CACNA2D3: variants seen among roughly 807,000 people sequenced by gnomAD.
The protein encoded by CACNA2D3 is voltage-dependent calcium channel subunit alpha-2/delta-3.
Under a neutral mutation model 160.6 loss-of-function variants are expected in CACNA2D3, and 60 were observed. The observed-to-expected ratio is 0.37, with a 90% CI of 0.30 to 0.46. The LOEUF (loss-of-function observed/expected upper bound fraction) is 0.46, where lower values mean the gene tolerates loss of function less well. CACNA2D3 is among the 20% of genes least tolerant of loss of function. CACNA2D3 has a pLI of 1.00. For missense variants in CACNA2D3, 1,205 were observed against 1,365.0 expected, an observed-to-expected ratio of 0.88 and a Z score of 1.85; for synonymous variants, 558 against 492.9, an observed-to-expected ratio of 1.13 and a Z score of -1.75.
chr3:54,847,100 A>G (rs948781439), intron 17 of CACNA2D3, among the ~76,000 whole-genome samples: 1 of 152,222 alleles, frequency 6.6e-6, no homozygotes, highest in Non-Finnish European at 1.5e-5. Flanking sequence ...GAGTAGGGTT[A>G]GGCCAAATCC....
chr3:54,249,764 GTT>G (rs11301633), intron 2 of CACNA2D3, among the ~76,000 whole-genome samples: 58,834 of 141,274 alleles, frequency 0.42, 11,617 homozygotes, highest in Middle Eastern at 0.43. Context: ...CCAAAATTAT[GTT>G]TTTTTTTTTT....
chr3:54,873,373 CTT>C, intron 18 of CACNA2D3, among the ~76,000 whole-genome samples: 1 of 150,880 alleles, frequency 6.6e-6, no homozygotes, highest in African/African-American at 2.5e-5. Flanking sequence ...TCCTTCTTCA[CTT>C]TATCTGTTGA....
intron 2 of CACNA2D3, among the ~76,000 whole-genome samples, chr3:54,228,866 G>T (rs186983030): frequency 2.6e-4 from 39 of 152,290 alleles, no homozygotes; most frequent in African/African-American, 8.7e-4. Context: ...GTGCCCTGCC[G>T]CTCTTCTCTG....
intron 4 of CACNA2D3, among the ~76,000 whole-genome samples, chr3:54,462,212 T>G (rs1202788512): frequency 6.6e-6 from 1 of 152,236 alleles, no homozygotes; most frequent in Non-Finnish European, 1.5e-5. Flanking sequence ...TGGTCCATTT[T>G]GGAATAGGTG....
At chr3:54,661,121 G>T (rs182140899) in intron 11 of CACNA2D3, among the ~76,000 whole-genome samples, 1 of 152,286 alleles carries the variant, frequency 6.6e-6, no homozygotes, top group South Asian at 2.1e-4. Flanking sequence ...AAATGGCCAG[G>T]AAGGCTTCTG....
chr3:54,304,913 C>CTT (rs112754601), intron 2 of CACNA2D3, among the ~76,000 whole-genome samples: 1 of 147,286 alleles, frequency 6.8e-6, no homozygotes, highest in African/African-American at 2.5e-5. Flanking sequence ...ATCTTTTGCT[C>CTT]TTTTTTTTTT....
intron 4 of CACNA2D3, among the ~76,000 whole-genome samples, chr3:54,487,084 C>A (rs895552263): frequency 7.9e-5 from 12 of 152,120 alleles, no homozygotes; most frequent in Non-Finnish European, 1.6e-4. Flanking sequence ...ATTCACATAA[C>A]CTTATACCCA....
At chr3:54,969,720 A>G (rs746497929) in intron 28 of CACNA2D3, 80 bp from the exon 29 acceptor site, 36 of 1,165,218 alleles carry the variant, frequency 3.1e-5, no homozygotes, top group Non-Finnish European at 4.2e-5. Flanking sequence ...GTCCTTAAGT[A>G]GCTCAGTGGC....
rs1693431236 is a variant in CACNA2D3, at chr3:54,658,662, C to T, written c.1167+16421C>T. Among the ~76,000 whole-genome samples the T allele has an allele frequency of 2.0e-5, 3 of 152,116 alleles. No homozygotes were observed. The South Asian group carries it at 6.2e-4, about 32-fold the overall frequency. On this transcript the variant is annotated intron_variant, in intron 11 of 37. Transcript: ENST00000474759. ...CAAAAAATAGATAAATGGGACTACA[C>T]CAAACTAAGAAGCTTCTGCACAGCA...
intron 5 of CACNA2D3, among the ~76,000 whole-genome samples, chr3:54,508,291 G>C (rs1301238368): frequency 6.6e-6 from 1 of 152,206 alleles, no homozygotes; most frequent in Admixed American, 6.5e-5. Flanking sequence ...GCCAGGAAGA[G>C]AGCCACTGAA....
At chr3:54,193,274 T>C (rs561219348) in intron 2 of CACNA2D3, among the ~76,000 whole-genome samples, 1 of 152,154 alleles carries the variant, frequency 6.6e-6, no homozygotes, top group Non-Finnish European at 1.5e-5. Flanking sequence ...TTGAGGCTGC[T>C]CCAGGTGACC....
At chr3:54,169,275 G>A (rs1013423294) in intron 2 of CACNA2D3, among the ~76,000 whole-genome samples, 2 of 152,210 alleles carry the variant, frequency 1.3e-5, no homozygotes, top group Non-Finnish European at 2.9e-5. Flanking sequence ...TGTGTGATTA[G>A]GGTCCATGCC....
At chr3:54,755,155 T>C (rs1389458615) in intron 12 of CACNA2D3, among the ~76,000 whole-genome samples, 1 of 152,222 alleles carries the variant, frequency 6.6e-6, no homozygotes, top group African/African-American at 2.4e-5. Context: ...TCTTTTCCGT[T>C]TGAGGCTGAC....
chr3:54,285,392 G>T (rs1702988859), intron 2 of CACNA2D3, among the ~76,000 whole-genome samples: 1 of 152,324 alleles, frequency 6.6e-6, no homozygotes, highest in Non-Finnish European at 1.5e-5. Context: ...AGGGTCGCCT[G>T]CCATTCCCCA....
intron 3 of CACNA2D3, among the ~76,000 whole-genome samples, chr3:54,368,639 G>T (rs1296327039): frequency 7.0e-6 from 1 of 142,410 alleles, no homozygotes; most frequent in African/African-American, 2.5e-5. Flanking sequence ...AGTGTAATCA[G>T]TTTAATAATC....
intron 27 of CACNA2D3, among the ~76,000 whole-genome samples, chr3:54,932,075 G>A (rs1049889568): frequency 1.3e-5 from 2 of 152,014 alleles, no homozygotes; most frequent in African/African-American, 4.8e-5. Flanking sequence ...TGAGCTACTC[G>A]GGAGGCTGAG....
chr3:54,776,843 G>A (rs1702434881), intron 13 of CACNA2D3, among the ~76,000 whole-genome samples: 1 of 152,128 alleles, frequency 6.6e-6, no homozygotes, highest in South Asian at 2.1e-4. Context: ...TATCCCTGCT[G>A]TGTGGGTGGT....
intron 27 of CACNA2D3, among the ~76,000 whole-genome samples, chr3:54,934,082 A>G (rs1325611178): frequency 6.6e-6 from 1 of 152,176 alleles, no homozygotes; most frequent in Non-Finnish European, 1.5e-5. Flanking sequence ...TGATGTTACT[A>G]TTACTTTTGA....
At chr3:54,657,015 G>A (rs1398205252) in intron 11 of CACNA2D3, among the ~76,000 whole-genome samples, 4 of 151,954 alleles carry the variant, frequency 2.6e-5, no homozygotes, top group Admixed American at 6.6e-5. Flanking sequence ...AGGGAGATAG[G>A]GGTGGGGCTG....
Sources: gnomAD v4.1 joint callset for allele counts (sites outside exome capture counted in the v4.1 genomes callset) on GRCh38, gnomAD v4.1.1 for gene constraint, MANE v1.5 for transcripts, NCBI Gene and HGNC (gene_info 2026-07-23, HGNC 2026-07-21) for gene names.